Variants in TSGA13 observed in about 807,000 individuals in gnomAD.
TSGA13 encodes the protein testis specific 13, also known as testis-specific gene 13 protein.
A neutral mutation model predicts 35.1 loss-of-function variants in TSGA13; 37 were observed. That is an observed-to-expected ratio of 1.05 (90% CI 0.81 to 1.39). TSGA13 has a LOEUF of 1.39. Among genes scored for constraint, TSGA13 ranks in the 40% most tolerant of loss-of-function variants. The pLI is 0.00. For missense variants in TSGA13, 338 were observed against 328.5 expected (o/e 1.03, Z -0.22); for synonymous variants, 124 against 121.2 (o/e 1.02, Z -0.15).
chr7:130,675,844 T>C (rs1050617799), intron 5 of TSGA13, among the ~76,000 whole-genome samples: 1 of 152,232 alleles, frequency 6.6e-6, no homozygotes, highest in Admixed American at 6.5e-5. Flanking sequence ...GATTTGTTTT[T>C]TGTTTGTTTT....
Position 130,669,085 on chromosome 7 carries a change from G to C in TSGA13, c.757C>G (p.Pro253Ala), listed in dbSNP as rs1364375129. ...LLEDMPTRTA[P>A]GESAFRNGRA... is the part of the protein sequence containing the mutation. ...CCGTTGCGGAAGGCGCTCTCCCCGG[G>C]CGCGGTTCTGGTGGGCATGTCTTCC... The change falls in exon 8 of 8, where the codon CCC becomes GCC. Residue 253 changes from proline to alanine, a missense_variant. Physicochemically the swap from Pro to Ala is conservative, Grantham distance 27. Coordinates refer to ENST00000356588, the MANE Select transcript of TSGA13 (RefSeq NM_052933.4). The C allele has an allele frequency of 6.2e-7, 1 of 1,614,108 alleles. No homozygotes were observed. Among genetic ancestry groups the C allele is most frequent in the Non-Finnish European group, 8.5e-7 (1 of 1,180,042 alleles).
At chr7:130,682,507 T>A (rs904403187) in intron 3 of TSGA13, among the ~76,000 whole-genome samples, 8 of 152,234 alleles carry the variant, frequency 5.3e-5, no homozygotes, top group African/African-American at 1.7e-4. Context: ...CCTCCCAAAG[T>A]GCTGGGATTA....
In TSGA13 at chr7:130,668,899, T is replaced by A. The variant is rs1554462311; in HGVS notation, c.*115A>T. 16 of 1,467,088 alleles carry A rather than the reference T, an allele frequency of 1.1e-5. No homozygotes were observed. The highest frequency in any genetic ancestry group is 1.5e-5 in the Non-Finnish European group (16 of 1,095,146). The allele number at this position is 1,467,088 out of a possible 1,614,324, so 90.9% of individuals were successfully genotyped here. On this transcript the variant is annotated 3_prime_UTR_variant, in exon 8 of 8. Transcript: ENST00000356588. ...GAGACTTCGGCTCGACCCTCCCGGC[T>A]TGCGACCCGGGAGCCCACGCCCGCA... is the stretch of plus-strand genomic sequence containing the variant.
At chr7:130,670,269 T>G (rs1232377879) in intron 7 of TSGA13, among the ~76,000 whole-genome samples, 1 of 152,042 alleles carries the variant, frequency 6.6e-6, no homozygotes, top group Non-Finnish European at 1.5e-5. Flanking sequence ...AAGAAGCCAG[T>G]TAAGGGATGG....
chr7:130,669,275 G>A, intron 7 of TSGA13, 92 bp from the exon 8 acceptor site: 1 of 1,506,712 alleles, frequency 6.6e-7, no homozygotes, highest in Non-Finnish European at 9.1e-7. Flanking sequence ...CGCACTTGGA[G>A]GGACCAGAGG....
chr7:130,668,809 C>G lies in TSGA13; in HGVS notation c.*205G>C. ...CGCCTTCACTCGGGGCCAAGGCCCGCCCTCCCCGGCCGCCCTCGGCCCCCG... is the reference window on the plus strand; with the variant it reads ...CGCCTTCACTCGGGGCCAAGGCCCGGCCTCCCCGGCCGCCCTCGGCCCCCG... On this transcript the variant is annotated 3_prime_UTR_variant, in exon 8 of 8. Transcript: ENST00000356588. 1 of 1,260,144 alleles carries G rather than the reference C, an allele frequency of 7.9e-7. No individual in the cohort carries two copies. Among genetic ancestry groups the G allele is most frequent in the South Asian group, 1.6e-5 (1 of 60,880 alleles). The allele number at this position is 1,260,144 out of a possible 1,614,324, so 78.1% of individuals were successfully genotyped here.
Position 130,668,694 on chromosome 7 carries a change from C to G in TSGA13, c.*320G>C, listed in dbSNP as rs534038537. On this transcript the variant is annotated 3_prime_UTR_variant, in exon 8 of 8. Coordinates refer to ENST00000356588, the MANE Select transcript of TSGA13 (RefSeq NM_052933.4). ...CTTGGACGACTTCCCAGCGCCCAGACCCACCGCAACCGTCCCAGGCGCCGC... is the reference window on the plus strand; with the variant it reads ...CTTGGACGACTTCCCAGCGCCCAGAGCCACCGCAACCGTCCCAGGCGCCGC... 2.0e-6 allele frequency: 3 copies of G among 1,521,806 alleles called. No homozygotes were observed. Among genetic ancestry groups the G allele is most frequent in the East Asian group, 5.6e-5 (2 of 35,640 alleles). 94.3% of individuals were successfully genotyped at this position (1,521,806 alleles called of 1,614,324 possible).
At chr7:130,669,209 T>C (rs782763068) in intron 7 of TSGA13, 26 bp from the exon 8 acceptor site, 60 of 1,613,754 alleles carry the variant, frequency 3.7e-5, no homozygotes, top group Non-Finnish European at 4.7e-5. Flanking sequence ...GGCACCCTGG[T>C]GAATGTGGCT....
At chr7:130,684,048 A>G (rs1029438374) in intron 2 of TSGA13, among the ~76,000 whole-genome samples, 1 of 152,212 alleles carries the variant, frequency 6.6e-6, no homozygotes, top group Admixed American at 6.5e-5. Flanking sequence ...TATTTTGAAT[A>G]CTTACCTGCC....
In TSGA13 at chr7:130,671,681, T is replaced by C. The variant is rs374590550; in HGVS notation, c.638A>G (p.Glu213Gly). 3.1e-6 allele frequency: 5 copies of C among 1,599,636 alleles called. No individual in the cohort carries two copies. The highest frequency in any genetic ancestry group is 3.4e-6 in the Non-Finnish European group (4 of 1,170,940). ...CTTACCATCTTTCCTCATATCTCTC[T>C]CATGGACTGGAGCAAAGGTGAGCTG... ...YPQLTFAPVH[E>G]RDMRKDASKK... Residue 213 changes from glutamate (E) to glycine (G), a missense_variant, in exon 7 of 8, where the codon GAG (glutamate) becomes GGG (glycine). Coordinates refer to ENST00000356588, the MANE Select transcript of TSGA13 (RefSeq NM_052933.4).
chr7:130,685,513 T>TA (rs1796639846), intron 1 of TSGA13, among the ~76,000 whole-genome samples, 153 bp from the exon 2 acceptor site: 1 of 152,168 alleles, frequency 6.6e-6, no homozygotes, highest in African/African-American at 2.4e-5. Context: ...TAGTGACAAA[T>TA]ACATGCTAAT....
At chr7:130,673,001 G>A in intron 5 of TSGA13, 125 bp from the exon 6 acceptor site, 1 of 1,105,488 alleles carries the variant, frequency 9.0e-7, no homozygotes, top group Non-Finnish European at 1.2e-6. Flanking sequence ...CTGTCAGAGG[G>A]GGAAGTGGGA....
chr7:130,682,723 C>T (rs1796576501), intron 3 of TSGA13, among the ~76,000 whole-genome samples: 1 of 152,098 alleles, frequency 6.6e-6, no homozygotes, highest in Non-Finnish European at 1.5e-5. Flanking sequence ...AAGAGGAGGC[C>T]CTGCTATGCT....
intron 5 of TSGA13, among the ~76,000 whole-genome samples, chr7:130,678,712 TA>T (rs1796469215): frequency 6.6e-6 from 1 of 151,970 alleles, no homozygotes; most frequent in South Asian, 2.1e-4. Context: ...ATGTGAAGCA[TA>T]GGATCAGGAA....
rs1483616113 is a variant in TSGA13, at chr7:130,668,646, T to G, written c.*368A>C. ...CCCGCGCGTACCAGACTCCTCGTCC[T>G]TCTTGTCGAATTTTTTAATCATCTT... On this transcript the variant is annotated 3_prime_UTR_variant, in exon 8 of 8. Transcript: ENST00000356588. The G allele has an allele frequency of 6.5e-7, 1 of 1,542,626 alleles. No homozygotes were observed. Among genetic ancestry groups the G allele is most frequent in the South Asian group, 1.2e-5 (1 of 82,366 alleles).
chr7:130,668,725 G>A lies in TSGA13; in HGVS notation c.*289C>T. On this transcript the variant is annotated 3_prime_UTR_variant, in exon 8 of 8. Coordinates refer to ENST00000356588, the MANE Select transcript of TSGA13 (RefSeq NM_052933.4). The stretch of plus-strand genomic sequence containing the variant: ...GCAACCGTCCCAGGCGCCGCAGCCG[G>A]CGAGCGGAAGAGGCTGCAGGAAGGC... The A allele has an allele frequency of 1.3e-6, 2 of 1,498,464 alleles. No homozygotes were observed. The highest frequency in any genetic ancestry group is 8.9e-7 in the Non-Finnish European group (1 of 1,121,442). The allele number at this position is 1,498,464 out of a possible 1,614,324, so 92.8% of individuals were successfully genotyped here.
intron 7 of TSGA13, 142 bp downstream of exon 7, chr7:130,671,519 T>G: frequency 1.1e-6 from 1 of 949,424 alleles, no homozygotes; most frequent in Non-Finnish European, 1.4e-6. Flanking sequence ...CTATTTGTTG[T>G]TAACTTCCAT....
chr7:130,669,821 G>C (rs558969713), intron 7 of TSGA13, among the ~76,000 whole-genome samples: 82 of 152,338 alleles, frequency 5.4e-4, no homozygotes, highest in South Asian at 3.9e-3. Flanking sequence ...GCTTGTAAAG[G>C]TCAAGTCATA....
At chr7:130,681,113 C>G (rs1584640460) in intron 3 of TSGA13, 96 bp from the exon 4 acceptor site, 2 of 1,020,074 alleles carry the variant, frequency 2.0e-6, no homozygotes, top group African/African-American at 1.6e-5. Context: ...GAGAACTGGT[C>G]TCTAACTTAC....
Sources: gnomAD v4.1 joint callset for allele counts (sites outside exome capture counted in the v4.1 genomes callset) on GRCh38, gnomAD v4.1.1 for gene constraint, MANE v1.5 for transcripts, NCBI Gene and HGNC (gene_info 2026-07-23, HGNC 2026-07-21) for gene names.